Variants in PCDHGB6 observed in about 807,000 individuals in gnomAD.
PCDHGB6 encodes protocadherin gamma subfamily B, 6, also known as protocadherin gamma-B6.
In PCDHGB6, 51 loss-of-function variants were observed where a neutral mutation model predicts 59.1. The ratio of observed to expected loss-of-function variants is 0.86; its 90% confidence interval spans 0.69 to 1.09. PCDHGB6 has a LOEUF of 1.09. PCDHGB6 is among the 50% of genes least tolerant of loss of function. The pLI is 0.00. For missense variants in PCDHGB6, 1,148 were observed against 1,205.1 expected, an observed-to-expected ratio of 0.95 and a Z score of 0.70; for synonymous variants, 466 against 495.1, an observed-to-expected ratio of 0.94 and a Z score of 0.78.
intron 1 of PCDHGB6, among the ~76,000 whole-genome samples, chr5:141,463,135 C>T (rs1352400365): frequency 6.6e-6 from 1 of 152,246 alleles, no homozygotes; most frequent in Middle Eastern, 3.4e-3. Context: ...GGCAGTTCTT[C>T]GCCCAGCTGC....
chr5:141,453,205 G>A lies in PCDHGB6; in HGVS notation c.2419-41602G>A, dbSNP rs570291941. On this transcript the variant is annotated intron_variant, in intron 1 of 3. Coordinates refer to ENST00000520790, the MANE Select transcript of PCDHGB6 (RefSeq NM_018926.3). ...CACAGCTCACTGCAGCCTCAACCTC[G>A]TGCACTTAAGCGATCCTCCCACCTC... Among the ~76,000 whole-genome samples the A allele has an allele frequency of 1.1e-4, 17 of 151,990 alleles. No individual in the cohort carries two copies. In the East Asian group the frequency reaches 2.5e-3, roughly 22 times the overall value.
At chr5:141,461,278 C>T (rs2099012353) in intron 1 of PCDHGB6, among the ~76,000 whole-genome samples, 1 of 152,086 alleles carries the variant, frequency 6.6e-6, no homozygotes, top group South Asian at 2.1e-4. Context: ...GTTCTCTTTT[C>T]CCCACATCCA....
At chr5:141,423,328 G>C (rs1308803675) in intron 1 of PCDHGB6, 1 of 1,614,194 alleles carries the variant, frequency 6.2e-7, no homozygotes, top group African/African-American at 1.3e-5. Flanking sequence ...GGTGGCCGCA[G>C]TCTCCTGCAT....
At chr5:141,422,498 C>G in intron 1 of PCDHGB6, 1 of 1,613,966 alleles carries the variant, frequency 6.2e-7, no homozygotes. Context: ...ATAACGTTGA[C>G]AGCCACAGAC....
chr5:141,413,639 G>A (rs893578830), intron 1 of PCDHGB6: 2 of 1,613,854 alleles, frequency 1.2e-6, no homozygotes, highest in Non-Finnish European at 1.7e-6. Context: ...GCGGGAATGC[G>A]TTTTCCTCTC....
intron 1 of PCDHGB6, chr5:141,478,217 G>A: frequency 2.5e-6 from 4 of 1,614,094 alleles, no homozygotes. Flanking sequence ...TCTAATCCTG[G>A]TTTCTGTGGG....
At position 141,431,159 on chromosome 5, in the gene PCDHGB6, C is replaced by T. The variant is rs1017606383; in HGVS notation, c.2418+20539C>T. Reference sequence around the variant, plus strand: ...CATTAACGACAATGCGCCTTACTTTCGTGAAAGTGAATTAGAAATAAAAAT... The same window carrying T: ...CATTAACGACAATGCGCCTTACTTTTGTGAAAGTGAATTAGAAATAAAAAT... On this transcript the variant is annotated intron_variant, in intron 1 of 3. Transcript: ENST00000520790. The surrounding 1 kb of genome is among the most constrained non-coding windows in gnomAD (Gnocchi z 4.8). 1 of 1,614,158 alleles carries T rather than the reference C, an allele frequency of 6.2e-7. No individual in the cohort carries two copies. The highest frequency in any genetic ancestry group is 1.3e-5 in the African/African-American group (1 of 75,046).
intron 1 of PCDHGB6, among the ~76,000 whole-genome samples, chr5:141,458,883 C>A (rs1171747288): frequency 6.6e-6 from 1 of 152,136 alleles, no homozygotes; most frequent in East Asian, 1.9e-4. Flanking sequence ...CAGGCATGCA[C>A]ACCATGCGCA....
At chr5:141,447,656 C>T (rs1352103605) in intron 1 of PCDHGB6, among the ~76,000 whole-genome samples, 1 of 152,056 alleles carries the variant, frequency 6.6e-6, no homozygotes, top group Non-Finnish European at 1.5e-5. Flanking sequence ...ATTTTCCCCC[C>T]CAGGAAGTTA....
chr5:141,428,423 G>C (rs939814279), intron 1 of PCDHGB6: 1 of 440,550 alleles, frequency 2.3e-6, no homozygotes, highest in Non-Finnish European at 4.3e-6. Flanking sequence ...CCTGGTCTCT[G>C]TTCTAAGACT....
At chr5:141,441,911 T>TGAG in intron 1 of PCDHGB6, 1 of 348,148 alleles carries the variant, frequency 2.9e-6, no homozygotes, top group Non-Finnish European at 5.5e-6. Context: ...GACGCAGATG[T>TGAG]GAGACACAAT....
chr5:141,433,115 G>T, intron 1 of PCDHGB6: 1 of 1,613,762 alleles, frequency 6.2e-7, no homozygotes, highest in Non-Finnish European at 8.5e-7. Context: ...GGAGAGCTTT[G>T]AAAAAAGCGA....
chr5:141,445,389 C>T (rs1484183450), intron 1 of PCDHGB6, among the ~76,000 whole-genome samples: 1 of 152,174 alleles, frequency 6.6e-6, no homozygotes, highest in Non-Finnish European at 1.5e-5. Flanking sequence ...CATTCATTTA[C>T]ATAACAAATA....
intron 3 of PCDHGB6, 67 bp from the exon 4 acceptor site, chr5:141,510,880 G>A (rs373993657): frequency 1.9e-6 from 3 of 1,611,784 alleles, no homozygotes; most frequent in Admixed American, 3.3e-5. Context: ...AACTGCTGGG[G>A]ATATAAGACA....
At chr5:141,417,994 G>T (rs369226139) in intron 1 of PCDHGB6, 231 of 1,613,766 alleles carry the variant, frequency 1.4e-4, no homozygotes, top group Non-Finnish European at 1.8e-4. Flanking sequence ...CCAAGGGCTC[G>T]GTGGTGGGGA....
chr5:141,468,131 C>G (rs1006565854), intron 1 of PCDHGB6, among the ~76,000 whole-genome samples: 1 of 151,766 alleles, frequency 6.6e-6, no homozygotes, highest in African/African-American at 2.4e-5. Flanking sequence ...TTGAGACCAG[C>G]CTGGCCAACA....
At position 141,431,367 on chromosome 5, in the gene PCDHGB6, A is replaced by G; in HGVS notation, c.2418+20747A>G. 1.2e-6 allele frequency: 2 copies of G among 1,613,984 alleles called. No homozygotes were observed. The highest frequency in any genetic ancestry group is 2.2e-5 in the South Asian group (2 of 91,084). On this transcript the variant is annotated intron_variant, in intron 1 of 3. Coordinates refer to ENST00000520790, the MANE Select transcript of PCDHGB6 (RefSeq NM_018926.3). This position sits in a 1 kb window ranked among gnomAD's most constrained non-coding sequence, Gnocchi z 4.8. ...GTGCTGAAACGCGCCCTGGACCGCGAAGAAAAGGCTGCTCACCACCTGGTC... is the reference window on the plus strand; with the variant it reads ...GTGCTGAAACGCGCCCTGGACCGCGGAGAAAAGGCTGCTCACCACCTGGTC...
At chr5:141,496,076 C>A (rs2099765713) in intron 2 of PCDHGB6, among the ~76,000 whole-genome samples, 1 of 152,010 alleles carries the variant, frequency 6.6e-6, no homozygotes, top group Non-Finnish European at 1.5e-5. Context: ...GCACACACAA[C>A]CCCCCACCCA....
rs1228384684 is a variant in PCDHGB6 at position 141,432,189 on chromosome 5, A to G, written c.2418+21569A>G. On this transcript the variant is annotated intron_variant, in intron 1 of 3. Coordinates refer to ENST00000520790, the MANE Select transcript of PCDHGB6 (RefSeq NM_018926.3). This position sits in a 1 kb window ranked among gnomAD's most constrained non-coding sequence, Gnocchi z 6.0. The stretch of plus-strand genomic sequence containing the variant: ...GTTTCCCTCGTCTCTGTGACCGCCC[A>G]CGACCCCGACTGTGAAGAGAACGCC... 6.2e-6 allele frequency: 10 copies of G among 1,613,964 alleles called. No homozygotes were observed. Among genetic ancestry groups the G allele is most frequent in the African/African-American group, 1.3e-5 (1 of 74,878 alleles).
Sources: allele counts gnomAD v4.1 joint callset (sites outside exome capture counted in the v4.1 genomes callset), GRCh38; gene constraint gnomAD v4.1.1; non-coding constraint Gnocchi (gnomAD v3.1); transcripts MANE v1.5; gene names NCBI Gene and HGNC (gene_info 2026-07-23, HGNC 2026-07-21).